Variants in ELP4 observed in about 807,000 individuals in gnomAD.
The protein encoded by ELP4 is elongator complex protein 4.
Under a neutral mutation model 48.9 loss-of-function variants are expected in ELP4, and 51 were observed. The observed-to-expected ratio is 1.04, with a 90% CI of 0.83 to 1.32. The LOEUF (loss-of-function observed/expected upper bound fraction) is 1.32. ELP4 is among the 40% of genes most tolerant of loss of function. ELP4 has a pLI of 0.00. For synonymous variants in ELP4, 210 were observed against 189.2 expected (o/e 1.11, Z -0.90); for missense variants, 519 against 514.6 (o/e 1.01, Z -0.08).
intron 9 of ELP4, among the ~76,000 whole-genome samples, chr11:31,770,049 A>G (rs1484003706): frequency 6.6e-6 from 1 of 152,020 alleles, no homozygotes; most frequent in African/African-American, 2.4e-5. Flanking sequence ...CTAAAGAAAG[A>G]CCCCAGTTCT....
chr11:31,716,085 C>A (rs1224378590), intron 9 of ELP4, among the ~76,000 whole-genome samples: 7 of 152,178 alleles, frequency 4.6e-5, no homozygotes, highest in Non-Finnish European at 1.0e-4. Flanking sequence ...ATGATCGTAG[C>A]TCACTGCAGC....
chr11:31,730,538 C>G (rs531259570), intron 9 of ELP4, among the ~76,000 whole-genome samples: 1 of 152,316 alleles, frequency 6.6e-6, no homozygotes, highest in South Asian at 2.1e-4. Flanking sequence ...ACAGAGAAGA[C>G]TGGACCATAA....
At chr11:31,661,133 C>T (rs1436463376) in intron 9 of ELP4, among the ~76,000 whole-genome samples, 1 of 151,952 alleles carries the variant, frequency 6.6e-6, no homozygotes. Context: ...ACACAGCAAC[C>T]ATACACACAC....
At chr11:31,543,804 G>A (rs1282878363) in intron 3 of ELP4, among the ~76,000 whole-genome samples, 1 of 152,092 alleles carries the variant, frequency 6.6e-6, no homozygotes, top group Non-Finnish European at 1.5e-5. Context: ...AGAAAAACAC[G>A]TTATCAATTC....
At chr11:31,541,096 C>T (rs1313838721) in intron 3 of ELP4, among the ~76,000 whole-genome samples, 1 of 152,106 alleles carries the variant, frequency 6.6e-6, no homozygotes, top group Non-Finnish European at 1.5e-5. Flanking sequence ...TGCAAAATGG[C>T]AAATTAGTCA....
At chr11:31,704,487 T>C (rs1422100342) in intron 9 of ELP4, among the ~76,000 whole-genome samples, 2 of 148,884 alleles carry the variant, frequency 1.3e-5, no homozygotes, top group African/African-American at 2.5e-5. Context: ...GGGCCTGTTG[T>C]GGGGTGGGAG....
intron 7 of ELP4, among the ~76,000 whole-genome samples, chr11:31,642,879 T>A (rs1945128275): frequency 6.6e-6 from 1 of 151,836 alleles, no homozygotes; most frequent in African/African-American, 2.4e-5. Context: ...AAATAACTTT[T>A]TATTATTTCA....
At chr11:31,725,784 CTG>C (rs565003490) in intron 9 of ELP4, among the ~76,000 whole-genome samples, 4 of 152,264 alleles carry the variant, frequency 2.6e-5, no homozygotes, top group Non-Finnish European at 5.9e-5. Flanking sequence ...TAGAGGGTAT[CTG>C]GGTCCAATTG....
intron 6 of ELP4, among the ~76,000 whole-genome samples, chr11:31,630,424 G>A (rs1204493920): frequency 6.6e-6 from 1 of 151,270 alleles, no homozygotes. Context: ...CGCCTCCCAG[G>A]TTCAAGCAAT....
chr11:31,685,128 G>A (rs1946133796), intron 9 of ELP4, among the ~76,000 whole-genome samples: 1 of 152,054 alleles, frequency 6.6e-6, no homozygotes, highest in African/African-American at 2.4e-5. Context: ...CAAGGCGGGT[G>A]GATCATGAGG....
Position 31,544,078 on chromosome 11 carries a change from A to C in ELP4, c.381+4295A>C, listed in dbSNP as rs370274530. Among the ~76,000 whole-genome samples, 5 of 152,368 alleles carry C rather than the reference A, an allele frequency of 3.3e-5. No individual in the cohort carries two copies. The East Asian group carries it at 7.7e-4, about 24-fold the overall frequency. On this transcript the variant is annotated intron_variant, in intron 3 of 9. Coordinates refer to ENST00000640961, the MANE Select transcript of ELP4 (RefSeq NM_019040.5). ...CAGCTCCCAGCGTGAGCGACGCAGAAGACGGGTGATTTCTGCATTTCCATC... is the reference window on the plus strand; with the variant it reads ...CAGCTCCCAGCGTGAGCGACGCAGACGACGGGTGATTTCTGCATTTCCATC...
intron 9 of ELP4, among the ~76,000 whole-genome samples, chr11:31,723,443 A>C (rs1038662878): frequency 1.3e-5 from 2 of 152,188 alleles, no homozygotes; most frequent in African/African-American, 4.8e-5. Context: ...ATTTCATGAC[A>C]GCAAACACAG....
intron 9 of ELP4, among the ~76,000 whole-genome samples, chr11:31,761,338 A>G (rs1236041199): frequency 7.7e-6 from 1 of 129,706 alleles, no homozygotes; most frequent in Non-Finnish European, 1.7e-5. Flanking sequence ...GCCCTGTCTC[A>G]AAAAAAAAAA....
chr11:31,639,427 A>G lies in ELP4; in HGVS notation c.927+7022A>G, dbSNP rs971694397. ...TAGTCTGTGTTTCAGTCCTTCTACCATAGACTTTGGACTTATAATTCTTAC... is the reference window on the plus strand; with the variant it reads ...TAGTCTGTGTTTCAGTCCTTCTACCGTAGACTTTGGACTTATAATTCTTAC... On this transcript the variant is annotated intron_variant, in intron 7 of 9. Coordinates refer to ENST00000640961, the MANE Select transcript of ELP4 (RefSeq NM_019040.5). Among the ~76,000 whole-genome samples the G allele has an allele frequency of 6.6e-5, 10 of 151,886 alleles. No individual in the cohort carries two copies. The Admixed American group carries it at 6.6e-4, about 10-fold the overall frequency.
At chr11:31,710,960 G>T (rs1407110199) in intron 9 of ELP4, among the ~76,000 whole-genome samples, 1 of 152,138 alleles carries the variant, frequency 6.6e-6, no homozygotes, top group Non-Finnish European at 1.5e-5. Context: ...GTCTAATTAG[G>T]AAACAATTGT....
intron 3 of ELP4, among the ~76,000 whole-genome samples, chr11:31,572,215 T>C (rs1418836119): frequency 6.6e-6 from 1 of 152,228 alleles, no homozygotes; most frequent in African/African-American, 2.4e-5. Context: ...AGAATTGCTG[T>C]TTCACTTTGC....
intron 7 of ELP4, among the ~76,000 whole-genome samples, chr11:31,639,294 A>G (rs1325220119): frequency 6.6e-6 from 1 of 151,932 alleles, no homozygotes; most frequent in African/African-American, 2.4e-5. Flanking sequence ...AAATGAACTA[A>G]ATTATATTAT....
rs998205349 is a variant in ELP4, at chr11:31,544,471, T to C, written c.381+4688T>C. 1.1e-4 allele frequency among the ~76,000 whole-genome samples: 16 copies of C among 152,230 alleles called. No homozygotes were observed. The East Asian group carries it at 2.7e-3, about 26-fold the overall frequency. The stretch of plus-strand genomic sequence containing the variant: ...GGAGGGGTGCCCGCCATTGCCCAGG[T>C]TTGCTTAGGTAAACAAAGCAGCCGG... On this transcript the variant is annotated intron_variant, in intron 3 of 9. Transcript: ENST00000640961.
At chr11:31,734,675 C>A (rs1160215624) in intron 9 of ELP4, among the ~76,000 whole-genome samples, 1 of 152,018 alleles carries the variant, frequency 6.6e-6, no homozygotes, top group African/African-American at 2.4e-5. Flanking sequence ...AAGTATTGTA[C>A]ACTGAAAACT....
Sources: allele counts gnomAD v4.1 joint callset (sites outside exome capture counted in the v4.1 genomes callset), GRCh38; gene constraint gnomAD v4.1.1; transcripts MANE v1.5; gene names NCBI Gene and HGNC (gene_info 2026-07-23, HGNC 2026-07-21).